ABCG1: variants seen among roughly 807,000 people sequenced by gnomAD.
The protein encoded by ABCG1 is ATP-binding cassette sub-family G member 1.
Under a neutral mutation model 69.2 loss-of-function variants are expected in ABCG1, and 29 were observed. That is an observed-to-expected ratio of 0.42 (90% CI 0.31 to 0.57). The LOEUF (loss-of-function observed/expected upper bound fraction) is 0.57, where lower values mean the gene tolerates loss of function less well. Among genes scored for constraint, ABCG1 ranks in the 20% least tolerant of loss-of-function variants. ABCG1 has a pLI of 0.15. For missense variants in ABCG1, 718 were observed against 898.1 expected, an observed-to-expected ratio of 0.80 and a Z score of 2.56; for synonymous variants, 370 against 374.8, an observed-to-expected ratio of 0.99 and a Z score of 0.15.
chr21:42,296,388 G>A lies in ABCG1; in HGVS notation c.1997G>A (p.Arg666Lys). ...FVLRYKIRAE[R>K] ...CTCAGGTACAAAATCCGGGCAGAGA[G>A]GTAAAACACCTGAATGCCAGGAAAC... The change falls in exon 15 of 15, where the codon AGG (arginine) becomes AAG (lysine). Residue 666 changes from arginine to lysine, a missense_variant. Physicochemically the swap from Arg to Lys is conservative, Grantham distance 26 (BLOSUM62 2). Transcript: ENST00000398449. The surrounding 1 kb of genome is among the most constrained non-coding windows in gnomAD (Gnocchi z 5.4). 1.2e-6 allele frequency: 2 copies of A among 1,612,962 alleles called. No homozygotes were observed. Among genetic ancestry groups the A allele is most frequent in the Non-Finnish European group, 8.5e-7 (1 of 1,179,680 alleles).
In ABCG1 at chr21:42,291,068, CT is replaced by C. The variant is rs1438486462; in HGVS notation, c.1394-18del. ...TCGCTGCACATGGTCACTGACCCTT[CT>C]TTTTTGCTTTTCTATCTCCTAGTTC... On this transcript the variant is annotated intron_variant, in intron 11 of 14. Coordinates refer to ENST00000398449, the MANE Select transcript of ABCG1 (RefSeq NM_016818.3). This position sits in a 1 kb window ranked among gnomAD's most constrained non-coding sequence, Gnocchi z 6.4. 6.3e-7 allele frequency: 1 copy of C among 1,587,762 alleles called. No individual in the cohort carries two copies. Among genetic ancestry groups the C allele is most frequent in the Non-Finnish European group, 8.6e-7 (1 of 1,156,504 alleles).
At chr21:42,279,361 G>A (rs2068766288) in intron 5 of ABCG1, among the ~76,000 whole-genome samples, 1 of 152,206 alleles carries the variant, frequency 6.6e-6, no homozygotes, top group South Asian at 2.1e-4. Flanking sequence ...GGAGGCCGGG[G>A]GAGCAGACGC....
upstream of ABCG1, among the ~76,000 whole-genome samples, chr21:42,211,300 G>C (rs1402704800): frequency 1.3e-5 from 2 of 152,074 alleles, no homozygotes; most frequent in Admixed American, 1.3e-4. Context: ...ACACAGAGTT[G>C]CTATTTGGTG....
At chr21:42,216,163 T>G (rs968396684), upstream of ABCG1, 1 of 451,696 alleles carries the variant, frequency 2.2e-6, no homozygotes, top group East Asian at 7.0e-5. Context: ...GCCATGATCA[T>G]GAGGCTTCCC....
At position 42,273,077 on chromosome 21, in the gene ABCG1, C is replaced by T. The variant is rs1295941442; in HGVS notation, c.405-226C>T. On this transcript the variant is annotated intron_variant, in intron 3 of 14. Coordinates refer to ENST00000398449, the MANE Select transcript of ABCG1 (RefSeq NM_016818.3). This position sits in a 1 kb window ranked among gnomAD's most constrained non-coding sequence, Gnocchi z 5.3. ...CCATCCCACGGAGGCCTGTGTGCAG[C>T]TTCCTCTTCCCAGCAGGAGCTTTCT... Among the ~76,000 whole-genome samples the T allele has an allele frequency of 1.3e-5, 2 of 152,236 alleles. No homozygotes were observed. Among genetic ancestry groups the T allele is most frequent in the African/African-American group, 4.8e-5 (2 of 41,452 alleles).
At chr21:42,222,037 A>G (rs1286063037) in intron 1 of ABCG1, among the ~76,000 whole-genome samples, 2 of 152,226 alleles carry the variant, frequency 1.3e-5, no homozygotes, top group Non-Finnish European at 2.9e-5. Context: ...TTCCACATCT[A>G]TGAATGAACT....
chr21:42,217,960 C>T (rs1384588510), upstream of ABCG1, among the ~76,000 whole-genome samples: 12 of 152,048 alleles, frequency 7.9e-5, no homozygotes, highest in African/African-American at 2.4e-5. Flanking sequence ...TGAGCCACTG[C>T]GCCCGGCTGG....
At chr21:42,261,562 AC>A (rs1306749398) in intron 2 of ABCG1, among the ~76,000 whole-genome samples, 1 of 151,976 alleles carries the variant, frequency 6.6e-6, no homozygotes, top group Non-Finnish European at 1.5e-5. Flanking sequence ...CTCCACTGAA[AC>A]CCCGAGCGAG....
intron 2 of ABCG1, among the ~76,000 whole-genome samples, chr21:42,264,679 AAGAG>A (rs1346340679): frequency 1.3e-5 from 2 of 152,060 alleles, no homozygotes; most frequent in African/African-American, 4.8e-5. Context: ...GGTGGAGAGA[AAGAG>A]AGAGAGGAGG....
In ABCG1 at chr21:42,291,685, G is replaced by T; in HGVS notation, c.1653+29G>T. 1 of 1,571,102 alleles carries T rather than the reference G, an allele frequency of 6.4e-7. No homozygotes were observed. The highest frequency in any genetic ancestry group is 1.8e-5 in the Admixed American group (1 of 55,836). On this transcript the variant is annotated intron_variant, in intron 13 of 14. Coordinates refer to ENST00000398449, the MANE Select transcript of ABCG1 (RefSeq NM_016818.3). This position sits in a 1 kb window ranked among gnomAD's most constrained non-coding sequence, Gnocchi z 6.4. The stretch of plus-strand genomic sequence containing the variant: ...CCAGCCCAGGAGGCGCTAAGTGAGG[G>T]CATGACGGCTGGGCTTCCCTGAGCT...
In ABCG1 at chr21:42,219,190, C is replaced by A; in HGVS notation, c.-73C>A. The A allele has an allele frequency of 7.7e-7, 1 of 1,292,046 alleles. No homozygotes were observed. Among genetic ancestry groups the A allele is most frequent in the Non-Finnish European group, 9.9e-7 (1 of 1,011,472 alleles). 80.0% of individuals were successfully genotyped at this position (1,292,046 alleles called of 1,614,324 possible). ...GCGCAGCGGCTGAGCCGGGAGCCAG[C>A]GCAGCCTCGGCCCCGCAGCTCAAGC... is the stretch of plus-strand genomic sequence containing the variant. On this transcript the variant is annotated 5_prime_UTR_variant, in exon 1 of 15. Transcript: ENST00000398449. The surrounding 1 kb of genome is among the most constrained non-coding windows in gnomAD (Gnocchi z 5.3).
At chr21:42,279,015 C>A (rs1008254877) in intron 5 of ABCG1, among the ~76,000 whole-genome samples, 1 of 152,092 alleles carries the variant, frequency 6.6e-6, no homozygotes, top group African/African-American at 2.4e-5. Context: ...CCTCCCGAAG[C>A]CTGGATGCAG....
intron 2 of ABCG1, among the ~76,000 whole-genome samples, chr21:42,231,853 G>T (rs1380774666): frequency 6.6e-6 from 1 of 152,240 alleles, no homozygotes; most frequent in Non-Finnish European, 1.5e-5. Context: ...TGGGCCCACA[G>T]GACATTTCTT....
At chr21:42,284,269 G>A (rs1186290578) in intron 6 of ABCG1, among the ~76,000 whole-genome samples, 2 of 148,874 alleles carry the variant, frequency 1.3e-5, no homozygotes, top group African/African-American at 2.5e-5. Flanking sequence ...GTCCCTCCCT[G>A]CCCAGATGAG....
chr21:42,231,506 T>A (rs2067900582), intron 2 of ABCG1, among the ~76,000 whole-genome samples: 1 of 152,264 alleles, frequency 6.6e-6, no homozygotes, highest in Non-Finnish European at 1.5e-5. Flanking sequence ...TTTGGACACC[T>A]TTCTCAAATT....
chr21:42,283,712 TACCACCCACCACCCAGATGAGTGGGG>T (rs1569236425), intron 6 of ABCG1, among the ~76,000 whole-genome samples: 23,506 of 76,022 alleles, frequency 0.31, 6,280 homozygotes, highest in Middle Eastern at 0.4. Context: ...AGTTGTGAAG[TACCACCCACCACCCAGATGAGTGGGG>T]ACCCCCCACC....
At chr21:42,257,781 G>A (rs114052249) in intron 2 of ABCG1, among the ~76,000 whole-genome samples, 2,712 of 152,258 alleles carry the variant, frequency 0.018, 79 homozygotes, top group African/African-American at 0.061. Flanking sequence ...TCCCTGCACC[G>A]CGAGGCCCAT....
chr21:42,217,189 G>A (rs1038135573), upstream of ABCG1, among the ~76,000 whole-genome samples: 3 of 152,212 alleles, frequency 2.0e-5, no homozygotes, highest in African/African-American at 4.8e-5. Flanking sequence ...CGAGCTGAAG[G>A]TGAATCAATC....
chr21:42,225,944 G>T, intron 2 of ABCG1, 30 bp downstream of exon 2: 1 of 1,602,168 alleles, frequency 6.2e-7, no homozygotes. Flanking sequence ...TGTGTATCAA[G>T]CTGGGAGGAG....
Sources: gnomAD v4.1 joint callset for allele counts (sites outside exome capture counted in the v4.1 genomes callset) on GRCh38, gnomAD v4.1.1 for gene constraint, Gnocchi (gnomAD v3.1) non-coding constraint, MANE v1.5 for transcripts, NCBI Gene and HGNC (gene_info 2026-07-23, HGNC 2026-07-21) for gene names.